Variants in DAB1 observed in about 807,000 individuals in gnomAD.
The protein encoded by DAB1 is disabled homolog 1.
DAB1 carries 15 observed loss-of-function variants against 64.6 expected under a neutral mutation model. That is an observed-to-expected ratio of 0.23 (90% CI 0.16 to 0.36). The LOEUF (loss-of-function observed/expected upper bound fraction) is 0.36, where lower values mean the gene tolerates loss of function less well. Ranked by LOEUF, DAB1 falls within the 10% of genes least tolerant of loss-of-function variation. DAB1 has a pLI of 1.00. For missense variants in DAB1, 596 were observed against 706.7 expected (o/e 0.84, Z 1.78); for synonymous variants, 235 against 251.9 (o/e 0.93, Z 0.64).
At chr1:57,906,937 CAGATAGATAGAT>C (rs5774378) in intron 5 of DAB1, among the ~76,000 whole-genome samples, 5,088 of 146,820 alleles carry the variant, frequency 0.035, 280 homozygotes, top group African/African-American at 0.11. Flanking sequence ...ATATAATATG[CAGATAGATAGAT>C]AGATAGATAG....
At chr1:57,132,062 T>G (rs2100783563) in intron 4 of DAB1, among the ~76,000 whole-genome samples, 1 of 152,278 alleles carries the variant, frequency 6.6e-6, no homozygotes, top group Admixed American at 6.5e-5. Context: ...CTTCCCTTAC[T>G]TAATTATCTG....
chr1:57,397,903 A>G (rs1306705792), intron 1 of DAB1, among the ~76,000 whole-genome samples: 1 of 152,172 alleles, frequency 6.6e-6, no homozygotes, highest in African/African-American at 2.4e-5. Context: ...GCCCTTTTAA[A>G]TTTTACCCTG....
intron 1 of DAB1, chr1:57,878,468 T>C (rs1644089288): frequency 6.6e-6 from 1 of 152,300 alleles, no homozygotes; most frequent in East Asian, 1.9e-4. Flanking sequence ...TTCTTTTAGA[T>C]GATCTTGCAT....
chr1:57,229,382 G>A (rs71642108), intron 2 of DAB1, among the ~76,000 whole-genome samples: 26,477 of 151,758 alleles, frequency 0.17, 2,952 homozygotes, highest in East Asian at 0.42. Context: ...TTTTGTTGAA[G>A]TGGCATTTTA....
intron 7 of DAB1, among the ~76,000 whole-genome samples, chr1:57,618,188 G>T (rs1181554975): frequency 6.6e-6 from 1 of 152,196 alleles, no homozygotes; most frequent in African/African-American, 2.4e-5. Flanking sequence ...GCCGAGGTGG[G>T]TGGATCACTT....
chr1:57,704,814 A>G (rs1646946325), intron 6 of DAB1, among the ~76,000 whole-genome samples: 1 of 151,736 alleles, frequency 6.6e-6, no homozygotes, highest in African/African-American at 2.4e-5. Flanking sequence ...CTACTAGTCT[A>G]TTGAACTTAC....
intron 5 of DAB1, among the ~76,000 whole-genome samples, chr1:57,956,030 G>C (rs1182548563): frequency 1.3e-5 from 2 of 152,158 alleles, no homozygotes; most frequent in Non-Finnish European, 2.9e-5. Context: ...CCTAGTGAGA[G>C]ATAGACTTTC....
At chr1:57,660,298 C>G (rs753977689) in intron 6 of DAB1, among the ~76,000 whole-genome samples, 1 of 152,030 alleles carries the variant, frequency 6.6e-6, no homozygotes. Flanking sequence ...AAATCATGAC[C>G]AAATCCACAC....
intron 2 of DAB1, among the ~76,000 whole-genome samples, chr1:57,235,935 T>C (rs767994464): frequency 6.6e-6 from 1 of 152,158 alleles, no homozygotes; most frequent in Non-Finnish European, 1.5e-5. Flanking sequence ...GCAATATCGG[T>C]TGAAATTGAA....
At chr1:57,422,412 C>T (rs78255678) in intron 1 of DAB1, among the ~76,000 whole-genome samples, 184 of 152,256 alleles carry the variant, frequency 1.2e-3, no homozygotes, top group Non-Finnish European at 2.3e-3. Context: ...CGGAGAAAGG[C>T]GCTCTCGCTA....
intron 4 of DAB1, among the ~76,000 whole-genome samples, chr1:58,300,650 A>G (rs994772547): frequency 7.8e-4 from 37 of 47,376 alleles, no homozygotes; most frequent in African/African-American, 9.8e-4. Flanking sequence ...GAGAGAGAGG[A>G]AGGAAGGAAG....
At chr1:57,889,792 T>C (rs1644278840) in intron 5 of DAB1, among the ~76,000 whole-genome samples, 1 of 151,002 alleles carries the variant, frequency 6.6e-6, no homozygotes, top group African/African-American at 2.4e-5. Flanking sequence ...ATTAATGAAG[T>C]GCTGGCTCCA....
downstream of DAB1, among the ~76,000 whole-genome samples, chr1:57,824,712 CCT>C (rs1444916078): frequency 6.6e-6 from 1 of 152,142 alleles, no homozygotes; most frequent in Non-Finnish European, 1.5e-5. Context: ...ATATTTATTC[CCT>C]GTGTCAGTCA....
intron 4 of DAB1, among the ~76,000 whole-genome samples, chr1:57,124,459 G>A (rs1375395510): frequency 1.3e-5 from 2 of 152,130 alleles, no homozygotes; most frequent in Non-Finnish European, 2.9e-5. Flanking sequence ...CTCCTCAAAA[G>A]TGAGGTTATA....
At chr1:57,955,028 C>T (rs1437475701) in intron 5 of DAB1, among the ~76,000 whole-genome samples, 3 of 152,196 alleles carry the variant, frequency 2.0e-5, no homozygotes, top group Admixed American at 1.3e-4. Context: ...CATAGCGGCC[C>T]TGTTTGTACA....
intron 2 of DAB1, among the ~76,000 whole-genome samples, chr1:57,167,176 A>G (rs981116989): frequency 2.6e-5 from 4 of 152,228 alleles, no homozygotes. Flanking sequence ...TATCAAAGCA[A>G]CTTGATAGTC....
At chr1:57,412,853 T>C (rs530520744) in intron 1 of DAB1, among the ~76,000 whole-genome samples, 1 of 152,354 alleles carries the variant, frequency 6.6e-6, no homozygotes, top group Non-Finnish European at 1.5e-5. Flanking sequence ...CTCACTATGA[T>C]CATTGATGAA....
chr1:58,440,464 C>T (rs1644995714), intron 3 of DAB1, among the ~76,000 whole-genome samples: 1 of 152,208 alleles, frequency 6.6e-6, no homozygotes, highest in Non-Finnish European at 1.5e-5. Flanking sequence ...AGGATAACCT[C>T]CTGGCCAAGG....
intron 3 of DAB1, among the ~76,000 whole-genome samples, chr1:57,143,407 G>A (rs563797842): frequency 1.3e-5 from 2 of 151,850 alleles, no homozygotes; most frequent in Admixed American, 1.3e-4. Flanking sequence ...GCTCATCATT[G>A]GACTACCCTA....
Sources: gnomAD v4.1 joint callset for allele counts (sites outside exome capture counted in the v4.1 genomes callset) on GRCh38, gnomAD v4.1.1 for gene constraint, MANE v1.5 for transcripts, NCBI Gene and HGNC (gene_info 2026-07-23, HGNC 2026-07-21) for gene names.